ACSM1: variants seen among roughly 807,000 people sequenced by gnomAD.
The protein encoded by ACSM1 is acyl-coenzyme A synthetase ACSM1, mitochondrial.
A neutral mutation model predicts 75.8 loss-of-function variants in ACSM1; 79 were observed. The observed-to-expected ratio is 1.04, with a 90% CI of 0.87 to 1.26. The LOEUF is 1.26. Among genes scored for constraint, ACSM1 ranks in the 50% most tolerant of loss-of-function variants. ACSM1 has a pLI of 0.00. For missense variants in ACSM1, 676 were observed against 720.1 expected (o/e 0.94, Z 0.70); for synonymous variants, 279 against 265.8 (o/e 1.05, Z -0.48).
chr16:20,661,118 G>A (rs2019278220), intron 7 of ACSM1, among the ~76,000 whole-genome samples: 1 of 152,128 alleles, frequency 6.6e-6, no homozygotes, highest in Non-Finnish European at 1.5e-5. Flanking sequence ...ATTCTATGTA[G>A]CATTAAACAT....
chr16:20,624,416 A>G, intron 12 of ACSM1, among the ~76,000 whole-genome samples: 1 of 152,116 alleles, frequency 6.6e-6, no homozygotes, highest in Non-Finnish European at 1.5e-5. Flanking sequence ...CCTTAACCTC[A>G]GTTTTCTTTT....
At position 20,678,011 on chromosome 16, in the gene ACSM1, AAAATAAAT is replaced by A. The variant is rs146714630; in HGVS notation, c.611+4237_611+4244del. Among the ~76,000 whole-genome samples, 44 of 143,826 alleles carry A rather than the reference AAAATAAAT, an allele frequency of 3.1e-4. No individual in the cohort carries two copies. The South Asian group carries it at 5.5e-3, about 18-fold the overall frequency. 94.4% of individuals were successfully genotyped at this position (143,826 alleles called of 152,430 possible). On this transcript the variant is annotated intron_variant, in intron 4 of 13. Transcript: ENST00000520010. The stretch of plus-strand genomic sequence containing the variant: ...CCATAAAGGAAGAATACTAAAGGCT[AAAATAAAT>A]AAATAAATAAATAAATAAATAAATG...
Position 20,680,097 on chromosome 16 carries a change from T to G in ACSM1, c.611+2159A>C, listed in dbSNP as rs556064043. 7 of 152,210 alleles carry G rather than the reference T, an allele frequency of 4.6e-5. No individual in the cohort carries two copies. The Middle Eastern group carries it at 0.01, about 222-fold the overall frequency. The allele number at this position is 152,210 out of a possible 1,614,324, so 9.4% of individuals were successfully genotyped here. The stretch of plus-strand genomic sequence containing the variant: ...ATTCAGTGGTCCACACTAACACAAC[T>G]CCAATATTTATATTCAGGAAGGAGT... On this transcript the variant is annotated intron_variant, in intron 4 of 13. Coordinates refer to ENST00000520010, the MANE Select transcript of ACSM1 (RefSeq NM_001318890.3).
intron 10 of ACSM1, among the ~76,000 whole-genome samples, chr16:20,631,991 T>TA (rs946138976): frequency 4.3e-4 from 65 of 152,148 alleles, no homozygotes; most frequent in African/African-American, 1.5e-3. Context: ...CCAAAACTAC[T>TA]AAAATAAAAA....
chr16:20,634,802 A>G (rs2017561798), intron 10 of ACSM1, among the ~76,000 whole-genome samples: 1 of 152,186 alleles, frequency 6.6e-6, no homozygotes. Context: ...TTTATTTGAT[A>G]CTACTGAATT....
At chr16:20,655,058 C>G (rs1278405812) in intron 7 of ACSM1, among the ~76,000 whole-genome samples, 1 of 152,056 alleles carries the variant, frequency 6.6e-6, no homozygotes, top group East Asian at 1.9e-4. Flanking sequence ...CCATGGAATA[C>G]TATGCAGCCA....
At chr16:20,643,168 T>C (rs769016286) in intron 7 of ACSM1, among the ~76,000 whole-genome samples, 3 of 151,976 alleles carry the variant, frequency 2.0e-5, no homozygotes, top group African/African-American at 4.8e-5. Flanking sequence ...CTCTGAAGAG[T>C]TGGGGGTTGT....
intron 10 of ACSM1, among the ~76,000 whole-genome samples, chr16:20,635,206 G>A (rs1043785188): frequency 1.1e-4 from 16 of 152,024 alleles, no homozygotes; most frequent in African/African-American, 2.2e-4. Flanking sequence ...AGTAGTCTGG[G>A]CAACATAGTG....
At chr16:20,691,321 A>G (rs928312652) in intron 1 of ACSM1, 82 bp from the exon 2 acceptor site, 1 of 706,926 alleles carries the variant, frequency 1.4e-6, no homozygotes, top group Non-Finnish European at 2.3e-6. Flanking sequence ...GTTAATTGCT[A>G]CAGTTATAGC....
In ACSM1 at chr16:20,671,565, G is replaced by A. The variant is rs182803851; in HGVS notation, c.718C>T (p.His240Tyr). The A allele has an allele frequency of 6.2e-7, 1 of 1,613,516 alleles. No individual in the cohort carries two copies. Among genetic ancestry groups the A allele is most frequent in the East Asian group, 2.2e-5 (1 of 44,866 alleles). ...AAGGAGGGTTGTAAGGCCAACCCATGGGAGTGTTTTGCCATCTTGGGGAAG... is the reference window on the plus strand; with the variant it reads ...AAGGAGGGTTGTAAGGCCAACCCATAGGAGTGTTTTGCCATCTTGGGGAAG... Reference protein sequence around the residue: ...TGFPKMAKHSHGLALQPSFPG... With the variant: ...TGFPKMAKHSYGLALQPSFPG... Residue 240 changes from histidine to tyrosine, a missense_variant, in exon 5 of 14, where the codon CAT becomes TAT. His to Tyr is a moderately conservative substitution (Grantham distance 83). Transcript: ENST00000520010.
intron 2 of ACSM1, among the ~76,000 whole-genome samples, chr16:20,688,922 TA>T (rs1017805396): frequency 5.3e-5 from 8 of 150,190 alleles, no homozygotes; most frequent in African/African-American, 1.9e-4. Flanking sequence ...TTACAGTATT[TA>T]AAAAACAAAT....
chr16:20,678,938 C>T (rs1175297188), intron 4 of ACSM1, among the ~76,000 whole-genome samples: 6 of 152,064 alleles, frequency 3.9e-5, no homozygotes, highest in Admixed American at 6.6e-5. Flanking sequence ...CATCTGTAGA[C>T]TAGAAGAAGT....
At chr16:20,625,611 G>A (rs2016877837) in intron 11 of ACSM1, 89 bp from the exon 12 acceptor site, 4 of 1,234,476 alleles carry the variant, frequency 3.2e-6, no homozygotes, top group Non-Finnish European at 4.6e-6. Context: ...GCTTCCTTTG[G>A]CACAGAGGGT....
At position 20,682,341 on chromosome 16, in the gene ACSM1, C is replaced by G. The variant is rs61740631; in HGVS notation, c.526G>C (p.Ala176Pro). The change falls in exon 4 of 14, where the codon GCT becomes CCT. Residue 176 changes from alanine to proline, a missense_variant. Physicochemically the swap from Ala to Pro is conservative, Grantham distance 27. Transcript: ENST00000520010. ...GTTTTCAGAGAGGGGCACTGAGAAG[C>G]TATGGAGTCCACCTCTGAGGCAAGG... is the stretch of plus-strand genomic sequence containing the variant. ...DALASEVDSIASQCPSLKTKL... is the reference protein window; with the variant it reads ...DALASEVDSIPSQCPSLKTKL... 0.019 allele frequency: 31,297 copies of G among 1,614,046 alleles called. 396 individuals carry two copies. Among genetic ancestry groups the G allele is most frequent in the Non-Finnish European group, 0.022 (25,541 of 1,179,968 alleles).
intron 4 of ACSM1, 131 bp from the exon 5 acceptor site, chr16:20,671,802 C>G: frequency 5.8e-6 from 6 of 1,036,162 alleles, no homozygotes; most frequent in Non-Finnish European, 7.9e-6. Context: ...ACTGGCTCTC[C>G]CGGAGTTAGG....
In ACSM1 at chr16:20,636,829, G is replaced by T; in HGVS notation, c.1209C>A (p.Asp403Glu). The change falls in exon 10 of 14, where the codon GAC (aspartate) becomes GAA (glutamate). Residue 403 changes from aspartate to glutamate, a missense_variant. By Grantham distance (45) the Asp-to-Glu change is conservative. Coordinates refer to ENST00000520010, the MANE Select transcript of ACSM1 (RefSeq NM_001318890.3). ...TPPYDVQVIDDKGSILPPNTE... is the reference protein window; with the variant it reads ...TPPYDVQVIDEKGSILPPNTE... Reference sequence around the variant, plus strand: ...TGTTAGGTGGCAGGATGCTGCCCTTGTCATCAATGACCTGTAGCAAGAGGC... The same window carrying T: ...TGTTAGGTGGCAGGATGCTGCCCTTTTCATCAATGACCTGTAGCAAGAGGC... The T allele has an allele frequency of 6.2e-7, 1 of 1,613,688 alleles. No homozygotes were observed. The highest frequency in any genetic ancestry group is 8.5e-7 in the Non-Finnish European group (1 of 1,179,826).
intron 1 of ACSM1, among the ~76,000 whole-genome samples, chr16:20,693,169 CA>C (rs35507753): frequency 0.17 from 19,535 of 114,324 alleles, 1,214 homozygotes; most frequent in Middle Eastern, 0.27. Flanking sequence ...AATTCCGTCT[CA>C]AAAAAAAAAA....
chr16:20,673,736 T>C (rs1036370962), intron 4 of ACSM1, among the ~76,000 whole-genome samples: 4 of 152,166 alleles, frequency 2.6e-5, no homozygotes, highest in Admixed American at 2.6e-4. Flanking sequence ...GGGTCTTAAG[T>C]TTTACCTTAA....
intron 1 of ACSM1, among the ~76,000 whole-genome samples, chr16:20,693,233 A>T (rs1250506326): frequency 6.6e-6 from 1 of 151,964 alleles, no homozygotes; most frequent in African/African-American, 2.4e-5. Flanking sequence ...TTTCCAATGG[A>T]CTGGGATGTG....
Sources: gnomAD v4.1 joint callset for allele counts (sites outside exome capture counted in the v4.1 genomes callset) on GRCh38, gnomAD v4.1.1 for gene constraint, MANE v1.5 for transcripts, NCBI Gene and HGNC (gene_info 2026-07-23, HGNC 2026-07-21) for gene names.